SATB1: variants seen among roughly 807,000 people sequenced by gnomAD.
The protein encoded by SATB1 is DNA-binding protein SATB1.
In SATB1, 11 loss-of-function variants were observed where a neutral mutation model predicts 86.9. That is an observed-to-expected ratio of 0.13 (90% CI 0.08 to 0.21). The LOEUF is 0.21. SATB1 is among the 10% of genes least tolerant of loss of function. SATB1 has a pLI of 1.00. For missense variants in SATB1, 551 were observed against 937.6 expected (o/e 0.59, Z 5.39); for synonymous variants, 357 against 357.2 (o/e 1.00, Z 0.01).
intron 9 of SATB1, among the ~76,000 whole-genome samples, chr3:18,371,891 A>C (rs1695494063): frequency 6.6e-6 from 1 of 152,200 alleles, no homozygotes; most frequent in Non-Finnish European, 1.5e-5. Flanking sequence ...AATGACACTC[A>C]GTTTTAAGAT....
intron 1 of SATB1, chr3:18,421,476 A>C (rs1698394431): frequency 6.6e-6 from 1 of 151,698 alleles, no homozygotes; most frequent in African/African-American, 2.4e-5. Context: ...ATGTATATTA[A>C]TTCTTATGAA....
At chr3:18,438,929 A>G (rs996988226), upstream of SATB1, among the ~76,000 whole-genome samples, 4 of 152,224 alleles carry the variant, frequency 2.6e-5, no homozygotes, top group African/African-American at 9.6e-5. Context: ...CAAGCATTTC[A>G]GCCTCATCTG....
chr3:18,400,044 T>G (rs1429651359), intron 5 of SATB1, among the ~76,000 whole-genome samples: 4 of 152,128 alleles, frequency 2.6e-5, no homozygotes, highest in African/African-American at 9.7e-5. Flanking sequence ...GTGGTGCACA[T>G]GGCATTTGAA....
At chr3:18,439,108 C>T (rs1448347062), upstream of SATB1, among the ~76,000 whole-genome samples, 2 of 152,136 alleles carry the variant, frequency 1.3e-5, no homozygotes, top group African/African-American at 4.8e-5. Context: ...CACTTCTCTA[C>T]CAAATGTCAA....
intron 5 of SATB1, among the ~76,000 whole-genome samples, chr3:18,413,088 T>C (rs2125153402): frequency 6.6e-6 from 1 of 152,150 alleles, no homozygotes; most frequent in South Asian, 2.1e-4. Context: ...TACAGTGAGG[T>C]ATCCAGCCAC....
At chr3:18,407,246 T>A (rs942208190) in intron 5 of SATB1, among the ~76,000 whole-genome samples, 4 of 152,108 alleles carry the variant, frequency 2.6e-5, no homozygotes, top group African/African-American at 9.7e-5. Flanking sequence ...ATTTAAAGTA[T>A]AAGCTGCAGT....
chr3:18,439,309 C>T (rs957383393), upstream of SATB1, among the ~76,000 whole-genome samples: 16 of 152,068 alleles, frequency 1.1e-4, no homozygotes, highest in African/African-American at 3.9e-4. Flanking sequence ...AAAAGTGATA[C>T]AAAATAACTT....
In SATB1 at chr3:18,346,118, A is replaced by G. The variant is rs1345977500; in HGVS notation, c.*3052T>C. ...TTACCAAGCGCCACACAACTAGGAC[A>G]TACATATTAGTTACCTTGGTTTTCA... On this transcript the variant is annotated 3_prime_UTR_variant, in exon 11 of 11. Coordinates refer to ENST00000338745, the MANE Select transcript of SATB1 (RefSeq NM_002971.6). The G allele has an allele frequency of 2.0e-5, 3 of 152,138 alleles. No homozygotes were observed. Among genetic ancestry groups the G allele is most frequent in the Non-Finnish European group, 2.9e-5 (2 of 67,976 alleles). 9.4% of individuals were successfully genotyped at this position (152,138 alleles called of 1,614,324 possible). A position where few individuals can be genotyped will look rare whatever the true frequency, so the allele number is the denominator to read the frequency against.
intron 5 of SATB1, chr3:18,410,867 A>G (rs1455594156): frequency 1.1e-5 from 4 of 375,770 alleles, no homozygotes; most frequent in Non-Finnish European, 1.9e-5. Context: ...TTGTTGCTCC[A>G]ATATCATTTA....
chr3:18,445,173 G>A lies in SATB1; in HGVS notation c.-25+345C>T, dbSNP rs1200036193. The A allele has an allele frequency of 7.3e-5, 70 of 956,324 alleles. No homozygotes were observed. The South Asian group carries it at 2.3e-3, about 31-fold the overall frequency. The allele number at this position is 956,324 out of a possible 1,614,324, so 59.2% of individuals were successfully genotyped here. On this transcript the variant is annotated intron_variant, in intron 1 of 3. Coordinates refer to the SATB1 transcript ENST00000415069. Reference sequence around the variant, plus strand: ...TGCGGCGCGGGCTGGCCAGCGGGGCGGCCAGGGCCCGGCCCGCCTCCCCAG... The same window carrying A: ...TGCGGCGCGGGCTGGCCAGCGGGGCAGCCAGGGCCCGGCCCGCCTCCCCAG...
intron 7 of SATB1, among the ~76,000 whole-genome samples, chr3:18,390,958 A>C (rs1249068277): frequency 6.6e-6 from 1 of 152,204 alleles, no homozygotes; most frequent in East Asian, 1.9e-4. Context: ...GTTTCCATTA[A>C]AAAGACATCA....
rs566557853 is a variant in SATB1, at chr3:18,370,834, G to A, written c.1575+7336C>T. The stretch of plus-strand genomic sequence containing the variant: ...CTACCTTGCCACTGGAATATGCCAA[G>A]CGCTGTCACAGATGGCAGGCTCTGA... On this transcript the variant is annotated intron_variant, in intron 9 of 10. Transcript: ENST00000338745. Among the ~76,000 whole-genome samples, 4 of 152,334 alleles carry A rather than the reference G, an allele frequency of 2.6e-5. No individual in the cohort carries two copies. The South Asian group carries it at 6.2e-4, about 24-fold the overall frequency.
rs1695866806 is a variant in SATB1 at position 18,378,328 on chromosome 3, A to G, written c.1420-3T>C. 6.2e-7 allele frequency: 1 copy of G among 1,610,234 alleles called. No individual in the cohort carries two copies. The highest frequency in any genetic ancestry group is 2.2e-5 in the East Asian group (1 of 44,766). On this transcript the variant is annotated splice_polypyrimidine_tract_variant and splice_region_variant and intron_variant, in intron 8 of 10. Coordinates refer to ENST00000338745, the MANE Select transcript of SATB1 (RefSeq NM_002971.6). The stretch of plus-strand genomic sequence containing the variant: ...GTGGCAATAGTAGCTGTTTTCACCT[A>G]CAAAACATTTTGAACATGGCTGTCA...
At chr3:18,419,161 A>G (rs1448486350) in intron 2 of SATB1, among the ~76,000 whole-genome samples, 1 of 152,220 alleles carries the variant, frequency 6.6e-6, no homozygotes, top group East Asian at 1.9e-4. Context: ...AGACGGCTAT[A>G]AAGTGACAAT....
chr3:18,402,811 T>C (rs1697340572), intron 5 of SATB1, among the ~76,000 whole-genome samples: 1 of 152,080 alleles, frequency 6.6e-6, no homozygotes, highest in Non-Finnish European at 1.5e-5. Flanking sequence ...AAAATGGTGG[T>C]TCACCCATGT....
intron 7 of SATB1, among the ~76,000 whole-genome samples, chr3:18,393,442 A>C (rs1003239158): frequency 1.5e-4 from 23 of 152,184 alleles, no homozygotes; most frequent in Admixed American, 6.5e-5. Context: ...AATTCTTCTC[A>C]TTCACAGTTC....
Position 18,386,450 on chromosome 3 carries a change from C to T in SATB1, c.1368G>A (p.Ser456=), listed in dbSNP as rs757750942. 45 of 1,613,930 alleles carry T rather than the reference C, an allele frequency of 2.8e-5. No homozygotes were observed. Among genetic ancestry groups the T allele is most frequent in the African/African-American group, 6.7e-5 (5 of 74,902 alleles). Reference sequence around the variant, plus strand: ...TGATGAGGGGGGCAGGACCCATGGCCGAGGCAGCATTCAAGCTCCTTTCCC... The same window carrying T: ...TGATGAGGGGGGCAGGACCCATGGCTGAGGCAGCATTCAAGCTCCTTTCCC... The part of the protein sequence containing the change: ...DERERSLNAA[S]AMGPAPLIST... The change falls in exon 8 of 11, where the codon TCG becomes TCA. Residue 456 remains serine, a synonymous_variant. Coordinates refer to ENST00000338745, the MANE Select transcript of SATB1 (RefSeq NM_002971.6). The surrounding 1 kb of genome is among the most constrained non-coding windows in gnomAD (Gnocchi z 4.5).
chr3:18,406,608 A>G (rs1395982271), intron 5 of SATB1, among the ~76,000 whole-genome samples: 1 of 152,010 alleles, frequency 6.6e-6, no homozygotes. Flanking sequence ...GGTCTTTTTA[A>G]GCATTCAGAC....
chr3:18,390,154 C>G (rs959947125), intron 7 of SATB1, among the ~76,000 whole-genome samples: 1 of 152,084 alleles, frequency 6.6e-6, no homozygotes, highest in Non-Finnish European at 1.5e-5. Context: ...TTTAAAACAG[C>G]AGATAAGCGA....
Sources: gnomAD v4.1 joint callset for allele counts (sites outside exome capture counted in the v4.1 genomes callset) on GRCh38, gnomAD v4.1.1 for gene constraint, Gnocchi (gnomAD v3.1) non-coding constraint, MANE v1.5 for transcripts, NCBI Gene and HGNC (gene_info 2026-07-23, HGNC 2026-07-21) for gene names.